The following STXBP5L variants were observed in gnomAD, a reference collection of about 807,000 sequenced individuals.
STXBP5L encodes syntaxin-binding protein 5-like.
STXBP5L carries 65 observed loss-of-function variants against 144.5 expected under a neutral mutation model. The observed-to-expected ratio is 0.45, with a 90% CI of 0.37 to 0.55. The LOEUF (loss-of-function observed/expected upper bound fraction) is 0.55, where lower values mean the gene tolerates loss of function less well. Ranked by LOEUF, STXBP5L falls within the 20% of genes least tolerant of loss-of-function variation. The probability of loss-of-function intolerance (pLI) is 0.00; values close to 1 mark genes in which losing one functional copy is unlikely to be tolerated. For synonymous variants in STXBP5L, 505 were observed against 469.6 expected, an observed-to-expected ratio of 1.08 and a Z score of -0.97; for missense variants, 1,298 against 1,405.5, an observed-to-expected ratio of 0.92 and a Z score of 1.22.
chr3:121,066,337 A>C (rs1279095081), intron 5 of STXBP5L, among the ~76,000 whole-genome samples: 1 of 148,890 alleles, frequency 6.7e-6, no homozygotes, highest in Non-Finnish European at 1.5e-5. Context: ...AAGAAAGTTT[A>C]TTTTGCTCTT....
At chr3:121,156,010 C>A (rs900868136) in intron 8 of STXBP5L, among the ~76,000 whole-genome samples, 2 of 151,722 alleles carry the variant, frequency 1.3e-5, no homozygotes, top group African/African-American at 2.4e-5. Context: ...ATGTGACTTT[C>A]CCTTGAACCA....
intron 5 of STXBP5L, among the ~76,000 whole-genome samples, chr3:121,047,572 A>G (rs918124975): frequency 3.9e-5 from 6 of 152,126 alleles, no homozygotes; most frequent in Non-Finnish European, 5.9e-5. Context: ...ATAGTTAGGC[A>G]TTCTTGTTGA....
intron 22 of STXBP5L, among the ~76,000 whole-genome samples, chr3:121,390,797 C>G (rs1296935609): frequency 6.6e-6 from 1 of 152,090 alleles, no homozygotes; most frequent in African/African-American, 2.4e-5. Flanking sequence ...CTCAACCTTT[C>G]TCTCTGGCTG....
intron 19 of STXBP5L, among the ~76,000 whole-genome samples, chr3:121,310,106 C>G (rs2043474721): frequency 1.3e-5 from 2 of 152,172 alleles, no homozygotes; most frequent in Non-Finnish European, 2.9e-5. Context: ...GGTGGAACAA[C>G]TGGGCAAACA....
intron 22 of STXBP5L, among the ~76,000 whole-genome samples, chr3:121,390,071 C>T (rs1051216700): frequency 7.9e-5 from 12 of 152,054 alleles, no homozygotes; most frequent in Non-Finnish European, 1.5e-4. Context: ...TGGGTGCTCC[C>T]ATATTGGGTT....
At chr3:120,988,629 A>C (rs1315436899) in intron 3 of STXBP5L, among the ~76,000 whole-genome samples, 1 of 151,966 alleles carries the variant, frequency 6.6e-6, no homozygotes, top group Non-Finnish European at 1.5e-5. Context: ...CTGTTGGTTG[A>C]TTGTGTTGTT....
intron 3 of STXBP5L, among the ~76,000 whole-genome samples, chr3:121,025,679 C>T (rs1945875374): frequency 1.3e-5 from 2 of 151,428 alleles, no homozygotes; most frequent in Admixed American, 6.6e-5. Context: ...TTCTGTAAAC[C>T]GTGAACTGTT....
chr3:121,016,115 C>T (rs1284895800), intron 3 of STXBP5L, among the ~76,000 whole-genome samples: 1 of 152,172 alleles, frequency 6.6e-6, no homozygotes, highest in Non-Finnish European at 1.5e-5. Flanking sequence ...AGTGCACTTA[C>T]ACAGATTAAC....
At chr3:121,167,747 G>A (rs2046553771) in intron 9 of STXBP5L, among the ~76,000 whole-genome samples, 1 of 152,186 alleles carries the variant, frequency 6.6e-6, no homozygotes, top group Non-Finnish European at 1.5e-5. Context: ...GGTGGCTGTG[G>A]GTGCAGCTTC....
In STXBP5L at chr3:121,223,111, T is replaced by C; in HGVS notation, c.1065T>C (p.His355=). 6.2e-7 allele frequency: 1 copy of C among 1,611,712 alleles called. No homozygotes were observed. ...GKAITVLEMD[H]PIVEFLTLCE... is the part of the protein sequence containing the mutation. The stretch of plus-strand genomic sequence containing the variant: ...CAATTACAGTACTTGAAATGGATCA[T>C]CCTATTGTTGAATTTCTAACTTTAT... Residue 355 remains histidine (H), a synonymous_variant, in exon 11 of 27, where the codon CAT becomes CAC. Coordinates refer to ENST00000471454, the MANE Select transcript of STXBP5L (RefSeq NM_001308330.2).
At chr3:120,965,949 A>G (rs928334393) in intron 3 of STXBP5L, among the ~76,000 whole-genome samples, 1 of 152,088 alleles carries the variant, frequency 6.6e-6, no homozygotes, top group Non-Finnish European at 1.5e-5. Flanking sequence ...ACATAGTCCC[A>G]TATTTCTTAA....
At chr3:121,288,531 A>G (rs1420039695) in intron 19 of STXBP5L, among the ~76,000 whole-genome samples, 1 of 152,166 alleles carries the variant, frequency 6.6e-6, no homozygotes, top group Non-Finnish European at 1.5e-5. Context: ...AATAATGGAC[A>G]TTCTGACTGG....
chr3:121,094,430 G>A (rs2043001726), intron 5 of STXBP5L, among the ~76,000 whole-genome samples: 1 of 151,940 alleles, frequency 6.6e-6, no homozygotes, highest in Non-Finnish European at 1.5e-5. Context: ...GGTCACTCAG[G>A]ACTTGCTTTA....
intron 3 of STXBP5L, among the ~76,000 whole-genome samples, chr3:121,037,999 T>A (rs1946878448): frequency 6.6e-6 from 1 of 152,036 alleles, no homozygotes; most frequent in South Asian, 2.1e-4. Flanking sequence ...TATGGTAATA[T>A]TCCTTTCCTT....
intron 17 of STXBP5L, among the ~76,000 whole-genome samples, chr3:121,257,856 T>G (rs185903397): frequency 6.6e-6 from 1 of 152,288 alleles, no homozygotes; most frequent in Admixed American, 6.5e-5. Flanking sequence ...GCTCAGGAGT[T>G]TAAAGTTGCA....
intron 3 of STXBP5L, among the ~76,000 whole-genome samples, chr3:120,999,240 A>G (rs1178858584): frequency 2.0e-5 from 3 of 152,082 alleles, no homozygotes; most frequent in African/African-American, 7.2e-5. Context: ...TTTAGTAGAG[A>G]TGTGGTTTCA....
intron 7 of STXBP5L, among the ~76,000 whole-genome samples, chr3:121,144,623 A>G (rs547948482): frequency 2.0e-5 from 3 of 151,924 alleles, no homozygotes; most frequent in Non-Finnish European, 4.4e-5. Context: ...CTGGATATTT[A>G]TACAAGAGAA....
chr3:121,332,067 A>AC (rs1333491911), intron 20 of STXBP5L, among the ~76,000 whole-genome samples: 2 of 114,910 alleles, frequency 1.7e-5, no homozygotes, highest in African/African-American at 6.0e-5. Flanking sequence ...ACTTTAAGAG[A>AC]CAAAAAAAAA....
In STXBP5L at chr3:121,314,350, G is replaced by A. The variant is rs1371590353; in HGVS notation, c.2111-4125G>A. ...ACTCCATCTGCAATCCCGGCACCTC[G>A]GGAGGCCGAGGCTGGCGGATCACTC... is the stretch of plus-strand genomic sequence containing the variant. On this transcript the variant is annotated intron_variant, in intron 19 of 26. Transcript: ENST00000471454. Among the ~76,000 whole-genome samples, 14 of 136,982 alleles carry A rather than the reference G, an allele frequency of 1.0e-4. No homozygotes were observed. In the South Asian group the frequency reaches 2.6e-3, roughly 26 times the overall value. 89.9% of individuals were successfully genotyped at this position (136,982 alleles called of 152,430 possible). A position where few individuals can be genotyped will look rare whatever the true frequency, so the allele number is the denominator to read the frequency against.
Sources: gnomAD v4.1 joint callset for allele counts (sites outside exome capture counted in the v4.1 genomes callset) on GRCh38, gnomAD v4.1.1 for gene constraint, MANE v1.5 for transcripts, NCBI Gene and HGNC (gene_info 2026-07-23, HGNC 2026-07-21) for gene names.